Variants in TRIO observed in about 807,000 individuals in gnomAD.
TRIO encodes the protein trio Rho guanine nucleotide exchange factor.
A neutral mutation model predicts 351.9 loss-of-function variants in TRIO; 58 were observed. The ratio of observed to expected loss-of-function variants is 0.16; its 90% CI spans 0.13 to 0.21. The LOEUF (loss-of-function observed/expected upper bound fraction) is 0.21. Among genes scored for constraint, TRIO ranks in the 10% least tolerant of loss-of-function variants. The probability of loss-of-function intolerance (pLI) is 1.00; values close to 1 mark genes in which losing one functional copy is unlikely to be tolerated. For missense variants in TRIO, 3,201 were observed against 4,027.8 expected (o/e 0.79, Z 5.56); for synonymous variants, 1,758 against 1,595.7 (o/e 1.10, Z -2.42).
At chr5:14,326,468 A>G (rs191301436) in intron 9 of TRIO, among the ~76,000 whole-genome samples, 10 of 152,306 alleles carry the variant, frequency 6.6e-5, no homozygotes, top group Admixed American at 5.2e-4. Flanking sequence ...TGTTTTGTCC[A>G]TTAGAGGGCA....
intron 11 of TRIO, among the ~76,000 whole-genome samples, chr5:14,354,100 G>A (rs1489227834): frequency 6.6e-6 from 1 of 152,148 alleles, no homozygotes; most frequent in Non-Finnish European, 1.5e-5. Context: ...CCCGAGCTTC[G>A]GCTGGCAGGG....
chr5:14,388,423 T>G (rs1416449821), intron 23 of TRIO, among the ~76,000 whole-genome samples, 190 bp from the exon 24 acceptor site: 1 of 152,230 alleles, frequency 6.6e-6, no homozygotes, highest in African/African-American at 2.4e-5. Flanking sequence ...CAGTAAAGTG[T>G]GTGCAGAAAT....
rs1756580510 is a variant in TRIO, at chr5:14,492,740, T to C, written c.7806T>C (p.Ala2602=). The C allele has an allele frequency of 3.1e-6, 5 of 1,614,198 alleles. No individual in the cohort carries two copies. The Middle Eastern group carries it at 6.6e-4, about 213-fold the overall frequency. ...FRAATDQCPA[A]EGWIPGFVLG... ...CCGCCACTGACCAGTGCCCCGCAGC[T>C]GAGGGCTGGATTCCAGGCTTTGTCC... The change falls in exon 49 of 57, where the codon GCT becomes GCC. Residue 2602 remains alanine, a synonymous_variant. Coordinates refer to ENST00000344204, the MANE Select transcript of TRIO (RefSeq NM_007118.4).
chr5:14,266,903 A>G (rs949490317), intron 1 of TRIO, among the ~76,000 whole-genome samples: 1 of 152,204 alleles, frequency 6.6e-6, no homozygotes, highest in African/African-American at 2.4e-5. Flanking sequence ...TCCCCTGGGA[A>G]ACATCTTCTG....
intron 54 of TRIO, among the ~76,000 whole-genome samples, chr5:14,503,200 A>G (rs1285208481): frequency 6.6e-6 from 1 of 152,198 alleles, no homozygotes. Context: ...ACACACATTC[A>G]GGTGTTGTGT....
chr5:14,453,487 G>T (rs1172139335), intron 34 of TRIO, among the ~76,000 whole-genome samples: 1 of 152,206 alleles, frequency 6.6e-6, no homozygotes, highest in East Asian at 1.9e-4. Context: ...TAAATACAAT[G>T]TAGTGAGTTC....
chr5:14,238,969 G>T (rs960642510), intron 1 of TRIO, among the ~76,000 whole-genome samples: 1 of 152,214 alleles, frequency 6.6e-6, no homozygotes, highest in Non-Finnish European at 1.5e-5. Context: ...ATGCCAGCTT[G>T]TATCACTGCA....
chr5:14,291,221 C>G lies in TRIO; in HGVS notation c.1046C>G (p.Ala349Gly). 1 of 1,612,246 alleles carries G rather than the reference C, an allele frequency of 6.2e-7. No individual in the cohort carries two copies. Among genetic ancestry groups the G allele is most frequent in the South Asian group, 1.1e-5 (1 of 90,888 alleles). The change falls in exon 5 of 57, where the codon GCT becomes GGT. Residue 349 changes from alanine to glycine, a missense_variant. This residue lies in a region of TRIO where 349 missense variants were observed against 449.3 expected (regional missense o/e 0.78). Transcript: ENST00000344204. The part of the protein sequence containing the change: ...CFQLRLFEQD[A>G]EKMFDWITHN... ...CAGCTGAGGCTGTTTGAACAGGATG[C>G]TGAGAAGGTAAAGACGGGGGAGGCT... is the stretch of plus-strand genomic sequence containing the variant.
chr5:14,346,618 A>C (rs996504670), intron 11 of TRIO, among the ~76,000 whole-genome samples: 1 of 152,258 alleles, frequency 6.6e-6, no homozygotes, highest in Non-Finnish European at 1.5e-5. Flanking sequence ...ACCGCTGGTC[A>C]GGAAAAGTGA....
chr5:14,330,754 A>C (rs367666215), intron 9 of TRIO, 24 bp from the exon 10 acceptor site: 4 of 1,612,718 alleles, frequency 2.5e-6, no homozygotes, highest in Non-Finnish European at 1.7e-6. Flanking sequence ...TTTTTATGGC[A>C]TATGTACCTG....
rs182612919 is a variant in TRIO, at chr5:14,254,613, G to A, written c.158-16212G>A. 4.0e-3 allele frequency among the ~76,000 whole-genome samples: 602 copies of A among 152,242 alleles called. 4 individuals are homozygous for A. The highest frequency in any genetic ancestry group is 0.014 in the African/African-American group (565 of 41,538). On this transcript the variant is annotated intron_variant, in intron 1 of 56. Transcript: ENST00000344204. Reference sequence around the variant, plus strand: ...CCGTTGGTCTTGGCTCTGTTCTCCCGCGAGAAAGGCAGGAAGGTTTTTGGT... The same window carrying A: ...CCGTTGGTCTTGGCTCTGTTCTCCCACGAGAAAGGCAGGAAGGTTTTTGGT...
At chr5:14,394,203 T>A in intron 28 of TRIO, 73 bp downstream of exon 28, 1 of 991,270 alleles carries the variant, frequency 1.0e-6, no homozygotes, top group Non-Finnish European at 1.5e-6. Flanking sequence ...TATATATTTA[T>A]ATAATTACCC....
intron 53 of TRIO, among the ~76,000 whole-genome samples, chr5:14,501,245 AG>A (rs1191399445): frequency 6.6e-6 from 1 of 152,210 alleles, no homozygotes; most frequent in Non-Finnish European, 1.5e-5. Flanking sequence ...TTCACCTGCA[AG>A]GTCAGAATTA....
intron 1 of TRIO, among the ~76,000 whole-genome samples, chr5:14,223,423 C>T (rs1448496743): frequency 6.6e-6 from 1 of 152,204 alleles, no homozygotes; most frequent in Admixed American, 6.5e-5. Context: ...CAGGAGCAGG[C>T]TCTCCTTCCC....
intron 33 of TRIO, among the ~76,000 whole-genome samples, chr5:14,410,941 C>G (rs30607): frequency 6.6e-6 from 1 of 152,102 alleles, no homozygotes; most frequent in African/African-American, 2.4e-5. Flanking sequence ...TAGTACTGAT[C>G]CTTGCTGATC....
At chr5:14,436,992 C>G (rs1420286193) in intron 34 of TRIO, among the ~76,000 whole-genome samples, 1 of 152,196 alleles carries the variant, frequency 6.6e-6, no homozygotes, top group Non-Finnish European at 1.5e-5. Context: ...CCACTAGGCT[C>G]CTGTATGTGT....
intron 1 of TRIO, among the ~76,000 whole-genome samples, chr5:14,169,109 T>C (rs1011280125): frequency 3.3e-5 from 5 of 152,196 alleles, no homozygotes; most frequent in Non-Finnish European, 5.9e-5. Context: ...GTTCTTTGTG[T>C]TGGACAGAAT....
chr5:14,385,866 T>C (rs1746496069), intron 21 of TRIO, among the ~76,000 whole-genome samples: 1 of 152,240 alleles, frequency 6.6e-6, no homozygotes, highest in Non-Finnish European at 1.5e-5. Flanking sequence ...TTATCTTCAC[T>C]TCTGTGTCCC....
intron 1 of TRIO, among the ~76,000 whole-genome samples, chr5:14,193,286 T>C (rs1007498054): frequency 2.7e-5 from 4 of 150,448 alleles, no homozygotes; most frequent in Admixed American, 2.6e-4. Context: ...GTATTCATTT[T>C]TTGTTTTAGG....
Sources: allele counts gnomAD v4.1 joint callset (sites outside exome capture counted in the v4.1 genomes callset), GRCh38; gene constraint gnomAD v4.1.1; regional missense constraint gnomAD v4.1.1; transcripts MANE v1.5; gene names NCBI Gene and HGNC (gene_info 2026-07-23, HGNC 2026-07-21).